The following STIM1 variants were observed in gnomAD, a reference collection of about 807,000 sequenced individuals.
STIM1 encodes the protein stromal interaction molecule 1.
STIM1 carries 25 observed loss-of-function variants against 74.7 expected under a neutral mutation model. That is an observed-to-expected ratio of 0.33 (90% CI 0.24 to 0.47). The LOEUF (loss-of-function observed/expected upper bound fraction) is 0.47. Ranked by LOEUF, STIM1 falls within the 20% of genes least tolerant of loss-of-function variation. STIM1 has a pLI of 1.00. For missense variants in STIM1, 728 were observed against 920.8 expected (o/e 0.79, Z 2.71); for synonymous variants, 328 against 348.8 (o/e 0.94, Z 0.66).
chr11:4,056,168 C>G (rs1051670245), intron 4 of STIM1, among the ~76,000 whole-genome samples: 1 of 152,132 alleles, frequency 6.6e-6, no homozygotes, highest in Non-Finnish European at 1.5e-5. Context: ...CTGGGTTATC[C>G]ATATACAGCT....
intron 1 of STIM1, among the ~76,000 whole-genome samples, chr11:3,883,604 C>G (rs1016523656): frequency 6.6e-6 from 1 of 152,220 alleles, no homozygotes; most frequent in African/African-American, 2.4e-5. Context: ...CCACCTGCCT[C>G]AGCCTCCCAA....
intron 2 of STIM1, among the ~76,000 whole-genome samples, chr11:4,004,972 A>C (rs542147643): frequency 6.6e-6 from 1 of 152,380 alleles, no homozygotes; most frequent in Admixed American, 6.5e-5. Flanking sequence ...GCCAAAAAAC[A>C]CATGAGAAAA....
intron 1 of STIM1, among the ~76,000 whole-genome samples, chr11:3,918,487 G>T (rs1383388516): frequency 3.3e-5 from 5 of 150,692 alleles, no homozygotes; most frequent in African/African-American, 1.2e-4. Flanking sequence ...AGTGAGCCAA[G>T]ATCAGACCAC....
At chr11:4,062,012 GT>G (rs1210787032) in intron 5 of STIM1, among the ~76,000 whole-genome samples, 8 of 152,052 alleles carry the variant, frequency 5.3e-5, no homozygotes, top group African/African-American at 1.9e-4. Flanking sequence ...CCGCTTACTG[GT>G]AAAAAATTTT....
intron 2 of STIM1, among the ~76,000 whole-genome samples, chr11:3,997,278 A>G (rs1199063869): frequency 2.0e-5 from 3 of 152,196 alleles, no homozygotes; most frequent in Non-Finnish European, 2.9e-5. Flanking sequence ...AAAAGGAGTA[A>G]AAGGAAAGGC....
At chr11:3,971,300 C>T (rs1205247717) in intron 2 of STIM1, among the ~76,000 whole-genome samples, 8 of 151,334 alleles carry the variant, frequency 5.3e-5, no homozygotes, top group Admixed American at 1.3e-4. Flanking sequence ...AAGGCCGAGG[C>T]GGGTGGATCA....
At chr11:3,978,395 G>A (rs1477289226) in intron 2 of STIM1, among the ~76,000 whole-genome samples, 1 of 150,314 alleles carries the variant, frequency 6.7e-6, no homozygotes, top group Admixed American at 6.6e-5. Context: ...TGATCTGCCC[G>A]CCTCGGCCTC....
At position 4,059,482 on chromosome 11, in the gene STIM1, C is replaced by T. The variant is rs573492089; in HGVS notation, c.613+86C>T. 6.6e-6 allele frequency: 7 copies of T among 1,056,910 alleles called. No individual in the cohort carries two copies. In the East Asian group the frequency reaches 1.8e-4, roughly 27 times the overall value. The allele number at this position is 1,056,910 out of a possible 1,614,324, so 65.5% of individuals were successfully genotyped here. On this transcript the variant is annotated intron_variant, in intron 5 of 12. Transcript: ENST00000526596. ...ATAGGCTAAGGCTAAGGCTCTGGGTCTCCTAGGCACACCTGCAAGATAGCA... is the reference window on the plus strand; with the variant it reads ...ATAGGCTAAGGCTAAGGCTCTGGGTTTCCTAGGCACACCTGCAAGATAGCA...
intron 2 of STIM1, among the ~76,000 whole-genome samples, chr11:3,988,324 C>A (rs1169371077): frequency 6.6e-6 from 1 of 152,072 alleles, no homozygotes; most frequent in African/African-American, 2.4e-5. Flanking sequence ...GTGTAGCCTG[C>A]AAACTAAAAA....
At chr11:3,952,390 G>C (rs1223856007) in intron 1 of STIM1, among the ~76,000 whole-genome samples, 1 of 152,052 alleles carries the variant, frequency 6.6e-6, no homozygotes, top group Non-Finnish European at 1.5e-5. Flanking sequence ...GTGAGACCCT[G>C]TCTCATAAAT....
chr11:3,994,549 C>T (rs1263112170), intron 2 of STIM1, among the ~76,000 whole-genome samples: 1 of 150,774 alleles, frequency 6.6e-6, no homozygotes, highest in Non-Finnish European at 1.5e-5. Flanking sequence ...CAATCTGACT[C>T]CTGGGTTCAA....
chr11:4,014,452 C>T (rs907072956), intron 2 of STIM1, among the ~76,000 whole-genome samples: 30 of 152,160 alleles, frequency 2.0e-4, no homozygotes, highest in African/African-American at 6.5e-4. Flanking sequence ...CATTTGCTGA[C>T]GAGTATTTTA....
intron 1 of STIM1, among the ~76,000 whole-genome samples, chr11:3,904,123 G>A (rs181058356): frequency 2.3e-4 from 34 of 145,934 alleles, no homozygotes; most frequent in Middle Eastern, 3.8e-3. Context: ...CTTGAACCCG[G>A]GAGGCAGAGG....
At chr11:4,062,112 CT>C (rs370967659) in intron 5 of STIM1, among the ~76,000 whole-genome samples, 239 of 152,260 alleles carry the variant, frequency 1.6e-3, no homozygotes, top group African/African-American at 5.3e-3. Flanking sequence ...GAATTGCTTA[CT>C]TTAAAATGGT....
At chr11:3,884,991 G>C (rs2091651799) in intron 1 of STIM1, among the ~76,000 whole-genome samples, 2 of 152,062 alleles carry the variant, frequency 1.3e-5, no homozygotes, top group Non-Finnish European at 1.5e-5. Context: ...CCAGGGTGTG[G>C]GGGGAGAGGG....
At position 4,091,404 on chromosome 11, in the gene STIM1, G is replaced by T. The variant is rs200525396; in HGVS notation, c.1757G>T (p.Gly586Val). The T allele has an allele frequency of 5.3e-5, 86 of 1,614,072 alleles. 1 individual carries two copies. The East Asian group carries it at 1.9e-3, about 36-fold the overall frequency. ...DEALNAMTSN[G>V]SHRLIEGVHP... ...GCTCTCAATGCCATGACTTCCAATG[G>T]CAGCCACCGGCTGATCGAGGGGGTC... Residue 586 changes from glycine to valine, a missense_variant, in exon 13 of 13, where the codon GGC becomes GTC. Gly to Val is a moderately radical substitution (Grantham distance 109, BLOSUM62 -3). Around this residue, in one of 5 missense-constraint regions of STIM1, gnomAD observed 352 missense variants for 370.1 expected, o/e 0.95. Coordinates refer to ENST00000526596, the MANE Select transcript of STIM1 (RefSeq NM_001382567.1).
chr11:3,945,959 A>G (rs1448177981), intron 1 of STIM1, among the ~76,000 whole-genome samples: 1 of 152,140 alleles, frequency 6.6e-6, no homozygotes. Context: ...GAGAGATGCC[A>G]TACACTCTAA....
chr11:3,999,743 CA>C (rs1460863989), intron 2 of STIM1: 2 of 153,008 alleles, frequency 1.3e-5, no homozygotes, highest in Non-Finnish European at 2.9e-5. Context: ...ACAGTGGGTG[CA>C]GCACACCGTG....
chr11:4,031,921 G>C (rs1240857022), intron 3 of STIM1, among the ~76,000 whole-genome samples: 9 of 152,154 alleles, frequency 5.9e-5, no homozygotes, highest in African/African-American at 1.9e-4. Flanking sequence ...CATGCTTTTG[G>C]TATTGTATCT....
Sources: allele counts gnomAD v4.1 joint callset (sites outside exome capture counted in the v4.1 genomes callset), GRCh38; gene constraint gnomAD v4.1.1; regional missense constraint gnomAD v4.1.1; transcripts MANE v1.5; gene names NCBI Gene and HGNC (gene_info 2026-07-23, HGNC 2026-07-21).